PUM3: variants seen among roughly 807,000 people sequenced by gnomAD.
The protein encoded by PUM3 is pumilio homolog 3.
Under a neutral mutation model 84.0 loss-of-function variants are expected in PUM3, and 91 were observed. The observed-to-expected ratio is 1.08, with a 90% CI of 0.91 to 1.29. The LOEUF (loss-of-function observed/expected upper bound fraction) is 1.29, where lower values mean the gene tolerates loss of function less well. Among genes scored for constraint, PUM3 ranks in the 50% most tolerant of loss-of-function variants. PUM3 has a pLI of 0.00. For synonymous variants in PUM3, 321 were observed against 266.7 expected, an observed-to-expected ratio of 1.20 and a Z score of -1.98; for missense variants, 1,067 against 767.5, an observed-to-expected ratio of 1.39 and a Z score of -4.61.
At position 2,829,799 on chromosome 9, in the gene PUM3, T is replaced by C. The variant is rs556510946; in HGVS notation, c.827A>G (p.Tyr276Cys). The change falls in exon 8 of 18, where the codon TAT (tyrosine) becomes TGT (cysteine). Residue 276 changes from tyrosine to cysteine, a missense_variant. Coordinates refer to ENST00000397885, the MANE Select transcript of PUM3 (RefSeq NM_014878.5). ...EQRNMLTEEL[Y>C]GNTFQLYKSA... ...CTTGTAAAGCTGAAATGTGTTCCCATAGAGCTCTTCCGTCAGCATGTTCCT... is the reference window on the plus strand; with the variant it reads ...CTTGTAAAGCTGAAATGTGTTCCCACAGAGCTCTTCCGTCAGCATGTTCCT... 13 of 1,613,804 alleles carry C rather than the reference T, an allele frequency of 8.1e-6. No homozygotes were observed. Among genetic ancestry groups the C allele is most frequent in the Admixed American group, 6.7e-5 (4 of 59,994 alleles).
intron 10 of PUM3, 62 bp downstream of exon 10, chr9:2,827,011 T>A: frequency 7.4e-7 from 1 of 1,354,348 alleles, no homozygotes; most frequent in South Asian, 1.3e-5. Flanking sequence ...AAAGCAGTTT[T>A]TCAAATTTCT....
Position 2,838,445 on chromosome 9 carries a change from G to GT in PUM3, c.62dup (p.Asn21LysfsTer5). ...TCTTACCACTATTTTTATGAAATCT[G>GT]TTTTTTTCTTGTGCTGTCTTTGTAC... On this transcript the variant is annotated frameshift_variant, in exon 2 of 18. Transcript: ENST00000397885. LOFTEE classifies it high-confidence loss of function. 1.2e-6 allele frequency: 2 copies of GT among 1,611,314 alleles called. No individual in the cohort carries two copies. Among genetic ancestry groups the GT allele is most frequent in the Non-Finnish European group, 1.7e-6 (2 of 1,177,642 alleles).
rs1815887980 is a variant in PUM3, at chr9:2,828,688, G to A, written c.943C>T (p.Pro315Ser). 3 of 1,586,260 alleles carry A rather than the reference G, an allele frequency of 1.9e-6. No homozygotes were observed. In the African/African-American group the frequency reaches 4.0e-5, roughly 21 times the overall value. Residue 315 changes from proline to serine, a missense_variant, in exon 9 of 18, where the codon CCA becomes TCA. Physicochemically the swap from Pro to Ser is moderately conservative, Grantham distance 74. Transcript: ENST00000397885. Reference protein sequence around the residue: ...IMDEMKQILTPMAQKEAVIKH... With the variant: ...IMDEMKQILTSMAQKEAVIKH... ...CAACTTTCTTACTTTTGGGCCATTG[G>A]AGTTAGAATCTGTTTCATTTCATCC...
rs371378479 is a variant in PUM3 at position 2,821,849 on chromosome 9, G to C, written c.1189-1751C>G. On this transcript the variant is annotated intron_variant, in intron 12 of 17. Transcript: ENST00000397885. The stretch of plus-strand genomic sequence containing the variant: ...ACTAATTGTAATTTTAAAAACTCTA[G>C]AAACTACCAAAATGCCCAACAGTGG... Among the ~76,000 whole-genome samples the C allele has an allele frequency of 4.4e-4, 67 of 152,216 alleles. 1 individual carries two copies. The highest frequency in any genetic ancestry group is 1.4e-3 in the African/African-American group (58 of 41,534).
chr9:2,837,146 G>A (rs1432323657), intron 3 of PUM3, 34 bp downstream of exon 3: 2 of 1,559,778 alleles, frequency 1.3e-6, no homozygotes, highest in African/African-American at 2.7e-5. Context: ...AATCGTTCAG[G>A]CACTAGTTCA....
rs200609107 is a variant in PUM3 at position 2,834,185 on chromosome 9, A to G, written c.305-19T>C. ...GCTGATTCTAGTTATTATAGAAATT[A>G]TTTTCAATTACATTTAACATTCTAA... On this transcript the variant is annotated intron_variant, in intron 3 of 17. Coordinates refer to ENST00000397885, the MANE Select transcript of PUM3 (RefSeq NM_014878.5). The G allele has an allele frequency of 1.2e-4, 196 of 1,600,162 alleles. 3 individuals carry two copies. In the Admixed American group the frequency reaches 3.3e-3, roughly 27 times the overall value.
intron 13 of PUM3, among the ~76,000 whole-genome samples, chr9:2,816,450 G>A (rs146011831): frequency 6.6e-6 from 1 of 152,196 alleles, no homozygotes; most frequent in East Asian, 1.9e-4. Flanking sequence ...GCCTAACAAT[G>A]AGCATATTTA....
In PUM3 at chr9:2,831,351, G is replaced by T; in HGVS notation, c.517-7C>A. The T allele has an allele frequency of 6.3e-7, 1 of 1,575,648 alleles. No homozygotes were observed. The highest frequency in any genetic ancestry group is 8.7e-7 in the Non-Finnish European group (1 of 1,150,378). On this transcript the variant is annotated splice_region_variant and splice_polypyrimidine_tract_variant and intron_variant, in intron 5 of 17. Coordinates refer to ENST00000397885, the MANE Select transcript of PUM3 (RefSeq NM_014878.5). ...AATCGTGTGCAAATGCAATCTGCAG[G>T]AAAAAGTTTGAGTTAGACTAATTCT...
At chr9:2,819,639 G>C (rs1399570930) in intron 13 of PUM3, among the ~76,000 whole-genome samples, 1 of 152,076 alleles carries the variant, frequency 6.6e-6, no homozygotes, top group Admixed American at 6.6e-5. Flanking sequence ...CTCTCTGCTT[G>C]TATTTGAGTT....
intron 13 of PUM3, among the ~76,000 whole-genome samples, chr9:2,815,690 G>A (rs1016630802): frequency 1.3e-5 from 2 of 152,184 alleles, no homozygotes; most frequent in Non-Finnish European, 2.9e-5. Context: ...CTTTCAATAT[G>A]TATAGCCTCC....
At chr9:2,840,012 A>T (rs926164989) in intron 1 of PUM3, among the ~76,000 whole-genome samples, 3 of 152,114 alleles carry the variant, frequency 2.0e-5, no homozygotes, top group Non-Finnish European at 4.4e-5. Flanking sequence ...GATACACTGA[A>T]TCTGGCCATC....
At chr9:2,829,665 AG>A in intron 8 of PUM3, 108 bp downstream of exon 8, 1 of 938,914 alleles carries the variant, frequency 1.1e-6, no homozygotes, top group Non-Finnish European at 1.6e-6. Flanking sequence ...GGTCTCTTAA[AG>A]AACCAGCCAC....
intron 8 of PUM3, 39 bp downstream of exon 8, chr9:2,829,735 A>T (rs887110068): frequency 1.9e-6 from 3 of 1,564,592 alleles, no homozygotes; most frequent in Non-Finnish European, 2.6e-6. Flanking sequence ...AGCATATCGA[A>T]AAGTAAAAAT....
At chr9:2,823,634 G>A (rs1815727893) in intron 12 of PUM3, 147 bp downstream of exon 12, 1 of 443,504 alleles carries the variant, frequency 2.3e-6, no homozygotes, top group African/African-American at 2.0e-5. Context: ...GATAAAATAT[G>A]AAAATACATG....
chr9:2,838,445 GTT>G lies in PUM3; in HGVS notation c.61_62del (p.Asn21GlnfsTer4), dbSNP rs756115631. On this transcript the variant is annotated frameshift_variant, in exon 2 of 18. Transcript: ENST00000397885. LOFTEE classifies it high-confidence loss of function. ...TCTTACCACTATTTTTATGAAATCT[GTT>G]TTTTTCTTGTGCTGTCTTTGTACTC... ...GKSTKTAQEK[N>X]RFHKNSDSGS... 6.2e-7 allele frequency: 1 copy of G among 1,611,322 alleles called. No homozygotes were observed. The highest frequency in any genetic ancestry group is 1.7e-5 in the Admixed American group (1 of 59,976).
chr9:2,829,995 C>G, intron 7 of PUM3, 47 bp from the exon 8 acceptor site: 1 of 1,543,576 alleles, frequency 6.5e-7, no homozygotes, highest in Non-Finnish European at 8.9e-7. Flanking sequence ...AAGGAGAAAG[C>G]TGGGTGACAA....
Position 2,843,813 on chromosome 9 carries a change from T to C in PUM3, c.-11+232A>G, listed in dbSNP as rs545868147. On this transcript the variant is annotated intron_variant, in intron 1 of 17. Transcript: ENST00000397885. The stretch of plus-strand genomic sequence containing the variant: ...CAGGATGGTCTCGATCTCCTGACCT[T>C]GTGATCCGCCCGCCTCGGCCTCCCA... 7.4e-4 allele frequency among the ~76,000 whole-genome samples: 112 copies of C among 151,682 alleles called. 1 individual carries two copies. The highest frequency in any genetic ancestry group is 3.4e-3 in the Middle Eastern group (1 of 294).
chr9:2,837,295 C>A lies in PUM3; in HGVS notation c.189G>T (p.Lys63Asn). 2 of 1,614,048 alleles carry A rather than the reference C, an allele frequency of 1.2e-6. No homozygotes were observed. The highest frequency in any genetic ancestry group is 1.1e-5 in the South Asian group (1 of 91,076). The change falls in exon 3 of 18, where the codon AAG becomes AAT. Residue 63 changes from lysine (K) to asparagine (N), a missense_variant. Coordinates refer to ENST00000397885, the MANE Select transcript of PUM3 (RefSeq NM_014878.5). ...FEKSITKLGKKGVKQFKNKQQ... is the reference protein window; with the variant it reads ...FEKSITKLGKNGVKQFKNKQQ... Reference sequence around the variant, plus strand: ...GCTTATTCTTGAACTGCTTTACACCCTTTTTCCCAAGTTTTGTGATACTTT... The same window carrying A: ...GCTTATTCTTGAACTGCTTTACACCATTTTTCCCAAGTTTTGTGATACTTT...
At chr9:2,806,783 A>G (rs914008632) in intron 17 of PUM3, among the ~76,000 whole-genome samples, 5 of 152,224 alleles carry the variant, frequency 3.3e-5, no homozygotes, top group Non-Finnish European at 7.3e-5. Flanking sequence ...AATAGCACAC[A>G]CACTTCAGTA....
Sources: allele counts gnomAD v4.1 joint callset (sites outside exome capture counted in the v4.1 genomes callset), GRCh38; gene constraint gnomAD v4.1.1; transcripts MANE v1.5; gene names NCBI Gene and HGNC (gene_info 2026-07-23, HGNC 2026-07-21).